Variants in DLG2 observed in about 807,000 individuals in gnomAD.
The protein encoded by DLG2 is disks large homolog 2.
A neutral mutation model predicts 132.5 loss-of-function variants in DLG2; 45 were observed. That is an observed-to-expected ratio of 0.34 (90% CI 0.27 to 0.44). The LOEUF (loss-of-function observed/expected upper bound fraction) is 0.44, where lower values mean the gene tolerates loss of function less well. Ranked by LOEUF, DLG2 falls within the 20% of genes least tolerant of loss-of-function variation. The probability of loss-of-function intolerance (pLI) is 1.00; values close to 1 mark genes in which losing one functional copy is unlikely to be tolerated. For synonymous variants in DLG2, 424 were observed against 419.6 expected (o/e 1.01, Z -0.13); for missense variants, 1,045 against 1,196.9 (o/e 0.87, Z 1.87).
chr11:85,112,967 A>T (rs1422263725), intron 5 of DLG2, among the ~76,000 whole-genome samples: 1 of 151,914 alleles, frequency 6.6e-6, no homozygotes, highest in Non-Finnish European at 1.5e-5. Context: ...TCACACTAAA[A>T]TTTTTGCCTG....
rs1226769826 is a variant in DLG2, at chr11:83,791,107, G to C, written c.1723-4315C>G. ...GGACTCGGACTGGAAGAGTGGCCTT[G>C]ACTCTCACCTCCATCTTGATGCACG... On this transcript the variant is annotated intron_variant, in intron 17 of 27. Coordinates refer to ENST00000376104, the MANE Select transcript of DLG2 (RefSeq NM_001142699.3). 4 of 672,810 alleles carry C rather than the reference G, an allele frequency of 5.9e-6. No individual in the cohort carries two copies. The Admixed American group carries it at 9.8e-5, about 17-fold the overall frequency. The allele number at this position is 672,810 out of a possible 1,614,324, so 41.7% of individuals were successfully genotyped here. A position where few individuals can be genotyped will look rare whatever the true frequency, so the allele number is the denominator to read the frequency against.
At chr11:85,550,315 G>A (rs2076586695) in intron 3 of DLG2, among the ~76,000 whole-genome samples, 4 of 152,370 alleles carry the variant, frequency 2.6e-5, no homozygotes, top group Admixed American at 1.3e-4. Flanking sequence ...AGCTAAAAGA[G>A]CACTGTATCA....
intron 11 of DLG2, among the ~76,000 whole-genome samples, chr11:84,032,590 G>T (rs1446371428): frequency 2.6e-5 from 4 of 152,184 alleles, no homozygotes; most frequent in African/African-American, 9.7e-5. Flanking sequence ...TGCTGAGGTA[G>T]AGAAGTTGCA....
intron 7 of DLG2, among the ~76,000 whole-genome samples, chr11:84,321,625 A>C (rs547596058): frequency 6.6e-6 from 1 of 152,174 alleles, no homozygotes; most frequent in South Asian, 2.1e-4. Flanking sequence ...ATACTTTCAC[A>C]TAATTAATTC....
At chr11:85,583,128 GTGTATATATATATATATA>G (rs1250628178) in intron 3 of DLG2, among the ~76,000 whole-genome samples, 80 of 27,426 alleles carry the variant, frequency 2.9e-3, no homozygotes, top group African/African-American at 8.5e-3. Flanking sequence ...GTGTGTGTGT[GTGTATATATATATATATA>G]TATATATATA....
intron 3 of DLG2, among the ~76,000 whole-genome samples, chr11:85,490,277 C>A (rs1390547439): frequency 6.6e-6 from 1 of 151,972 alleles, no homozygotes. Context: ...AAAAATAATG[C>A]TAACAGGGAA....
intron 6 of DLG2, among the ~76,000 whole-genome samples, chr11:84,784,807 G>A (rs1335125201): frequency 1.3e-5 from 2 of 152,084 alleles, no homozygotes; most frequent in Non-Finnish European, 2.9e-5. Flanking sequence ...GGGTGATGTG[G>A]TGGCCGTTGG....
chr11:83,971,839 TTAAC>T (rs1448533160), intron 12 of DLG2, among the ~76,000 whole-genome samples: 4 of 152,256 alleles, frequency 2.6e-5, no homozygotes, highest in East Asian at 3.9e-4. Flanking sequence ...TACTCTGAAA[TTAAC>T]TATTATAATA....
chr11:85,341,552 A>C (rs1042021973), intron 3 of DLG2, among the ~76,000 whole-genome samples: 1 of 152,204 alleles, frequency 6.6e-6, no homozygotes, highest in African/African-American at 2.4e-5. Flanking sequence ...ACAATGCTTA[A>C]TAGTAGTGAA....
At chr11:84,755,965 G>C in intron 6 of DLG2, among the ~76,000 whole-genome samples, 1 of 152,208 alleles carries the variant, frequency 6.6e-6, no homozygotes, top group South Asian at 2.1e-4. Context: ...GATTCTAATA[G>C]AATGACTGGC....
chr11:84,158,682 A>G (rs1009188737), intron 9 of DLG2, among the ~76,000 whole-genome samples: 1 of 152,248 alleles, frequency 6.6e-6, no homozygotes, highest in African/African-American at 2.4e-5. Flanking sequence ...TAGCAAAAGT[A>G]TAAGCTGTAA....
In DLG2 at chr11:85,353,539, A is replaced by G. The variant is rs531502538; in HGVS notation, c.41-68174T>C. ...TGCTGCTATAAAGACACGTGCACACATAGGTTTATTGCAGCACTATTCACA... is the reference window on the plus strand; with the variant it reads ...TGCTGCTATAAAGACACGTGCACACGTAGGTTTATTGCAGCACTATTCACA... On this transcript the variant is annotated intron_variant, in intron 3 of 27. Transcript: ENST00000376104. Among the ~76,000 whole-genome samples the G allele has an allele frequency of 4.6e-5, 7 of 152,288 alleles. No homozygotes were observed. In the South Asian group the frequency reaches 1.0e-3, roughly 23 times the overall value.
chr11:85,075,195 T>G (rs1036671974), intron 6 of DLG2, among the ~76,000 whole-genome samples: 1 of 151,954 alleles, frequency 6.6e-6, no homozygotes, highest in African/African-American at 2.4e-5. Flanking sequence ...AAACTGATAT[T>G]GTTTTACACT....
chr11:84,900,756 A>G (rs767217412), intron 6 of DLG2, among the ~76,000 whole-genome samples: 5 of 152,060 alleles, frequency 3.3e-5, no homozygotes, highest in Non-Finnish European at 7.4e-5. Flanking sequence ...CTTCTGCAAC[A>G]GAAATGAAAA....
chr11:84,826,614 A>G (rs1164335648), intron 6 of DLG2, among the ~76,000 whole-genome samples: 1 of 151,850 alleles, frequency 6.6e-6, no homozygotes, highest in Non-Finnish European at 1.5e-5. Context: ...TGCCCAAGCT[A>G]CTTAGTCCAG....
At chr11:85,152,149 G>C (rs1302884143) in intron 5 of DLG2, among the ~76,000 whole-genome samples, 1 of 151,678 alleles carries the variant, frequency 6.6e-6, no homozygotes, top group Non-Finnish European at 1.5e-5. Flanking sequence ...AAATAATTAA[G>C]AGCAATGCTG....
intron 3 of DLG2, among the ~76,000 whole-genome samples, chr11:85,481,786 G>A (rs2093297946): frequency 6.6e-6 from 1 of 151,948 alleles, no homozygotes; most frequent in Non-Finnish European, 1.5e-5. Flanking sequence ...TAGTCATTGG[G>A]CCAGAACCTA....
chr11:85,161,783 A>C (rs945407590), intron 4 of DLG2, among the ~76,000 whole-genome samples: 1 of 152,210 alleles, frequency 6.6e-6, no homozygotes, highest in Non-Finnish European at 1.5e-5. Context: ...TCACAATTAC[A>C]ACACCAACAA....
intron 17 of DLG2, among the ~76,000 whole-genome samples, chr11:83,805,307 T>C (rs2045616266): frequency 6.6e-6 from 1 of 151,986 alleles, no homozygotes; most frequent in African/African-American, 2.4e-5. Context: ...AATTCTTTAT[T>C]TATTCTAGAA....
Sources: gnomAD v4.1 joint callset for allele counts (sites outside exome capture counted in the v4.1 genomes callset) on GRCh38, gnomAD v4.1.1 for gene constraint, MANE v1.5 for transcripts, NCBI Gene and HGNC (gene_info 2026-07-23, HGNC 2026-07-21) for gene names.